The following PDE1C variants were observed in gnomAD, a reference collection of about 807,000 sequenced individuals.
The protein encoded by PDE1C is dual specificity calcium/calmodulin-dependent 3',5'-cyclic nucleotide phosphodiesterase 1C.
PDE1C carries 62 observed loss-of-function variants against 93.1 expected under a neutral mutation model. That is an observed-to-expected ratio of 0.67 (90% CI 0.54 to 0.82). The LOEUF is 0.82. PDE1C is among the 40% of genes least tolerant of loss of function. PDE1C has a pLI of 0.00. For synonymous variants in PDE1C, 325 were observed against 310.1 expected, an observed-to-expected ratio of 1.05 and a Z score of -0.50; for missense variants, 742 against 884.6, an observed-to-expected ratio of 0.84 and a Z score of 2.04.
chr7:32,412,192 T>C (rs10273116), intron 1 of PDE1C, among the ~76,000 whole-genome samples: 22,639 of 152,152 alleles, frequency 0.15, 3,304 homozygotes, highest in African/African-American at 0.37. Flanking sequence ...CGGTGGCTCA[T>C]GCCTGTAATC....
intron 1 of PDE1C, among the ~76,000 whole-genome samples, chr7:32,058,644 T>C (rs541922338): frequency 2.4e-4 from 37 of 152,234 alleles, no homozygotes; most frequent in Non-Finnish European, 4.4e-4. Flanking sequence ...CTCATTCCTA[T>C]CAGTGATTTC....
At chr7:32,082,412 G>C (rs1362797888) in intron 3 of PDE1C, among the ~76,000 whole-genome samples, 1 of 152,346 alleles carries the variant, frequency 6.6e-6, no homozygotes, top group South Asian at 2.1e-4. Flanking sequence ...GCCTGCCTCT[G>C]TAGGCTCCAC....
chr7:32,227,375 CTTTCCTCTCT>C (rs945177708), intron 1 of PDE1C, among the ~76,000 whole-genome samples: 8 of 152,152 alleles, frequency 5.3e-5, no homozygotes, highest in Non-Finnish European at 1.0e-4. Context: ...TACCCACTTC[CTTTCCTCTCT>C]TTCCTTTCTG....
chr7:31,635,208 T>C, the PDE1C span, among the ~76,000 whole-genome samples: 148,651 of 152,250 alleles, frequency 0.98, 72,582 homozygotes, highest in East Asian at 0.99. Context: ...TTTCTATGAC[T>C]CTAAGGGAAT....
At chr7:31,832,597 C>G (rs1790556118) in intron 11 of PDE1C, among the ~76,000 whole-genome samples, 1 of 152,118 alleles carries the variant, frequency 6.6e-6, no homozygotes, top group East Asian at 1.9e-4. Context: ...AGAACTGAGG[C>G]AGCATTTCTC....
intron 1 of PDE1C, among the ~76,000 whole-genome samples, chr7:32,055,774 G>A (rs530043185): frequency 6.6e-5 from 10 of 152,290 alleles, no homozygotes; most frequent in Admixed American, 3.9e-4. Flanking sequence ...AGGCTGGAGC[G>A]CAGTGGCGCA....
chr7:31,756,957 G>A (rs1010575507), intron 17 of PDE1C, among the ~76,000 whole-genome samples: 1 of 152,190 alleles, frequency 6.6e-6, no homozygotes, highest in Non-Finnish European at 1.5e-5. Flanking sequence ...GGACCCATCT[G>A]TCCAATGCCT....
At chr7:31,761,316 C>A (rs546178820) in intron 17 of PDE1C, among the ~76,000 whole-genome samples, 1 of 152,232 alleles carries the variant, frequency 6.6e-6, no homozygotes, top group East Asian at 1.9e-4. Context: ...TAGGTATGTA[C>A]CTGAGTCATA....
At chr7:31,992,965 A>G (rs1784313711) in intron 2 of PDE1C, among the ~76,000 whole-genome samples, 1 of 152,192 alleles carries the variant, frequency 6.6e-6, no homozygotes, top group Admixed American at 6.5e-5. Flanking sequence ...TCTAATCCTC[A>G]TATCAAACGA....
At chr7:31,886,008 G>C (rs1562970775) in intron 2 of PDE1C, among the ~76,000 whole-genome samples, 1 of 152,114 alleles carries the variant, frequency 6.6e-6, no homozygotes, top group South Asian at 2.1e-4. Context: ...GAGGATGGGG[G>C]GGCAGCTCCT....
chr7:32,275,053 G>A (rs556194931), intron 1 of PDE1C, among the ~76,000 whole-genome samples: 13 of 152,128 alleles, frequency 8.5e-5, no homozygotes, highest in African/African-American at 3.1e-4. Context: ...TATAAATAAA[G>A]AATTTAGGTC....
At chr7:32,174,507 C>T (rs182706777) in intron 2 of PDE1C, among the ~76,000 whole-genome samples, 348 of 152,132 alleles carry the variant, frequency 2.3e-3, no homozygotes, top group African/African-American at 7.5e-3. Flanking sequence ...AGACGCTCTT[C>T]AGCCGGTGGA....
intron 1 of PDE1C, among the ~76,000 whole-genome samples, chr7:32,212,047 A>G (rs1806086100): frequency 6.8e-6 from 1 of 147,088 alleles, no homozygotes; most frequent in Admixed American, 6.8e-5. Flanking sequence ...AAAAAAAAAG[A>G]AAGAAAGAAA....
intron 1 of PDE1C, among the ~76,000 whole-genome samples, chr7:32,374,219 GGAAA>G (rs1784385459): frequency 3.0e-4 from 34 of 115,182 alleles, no homozygotes; most frequent in African/African-American, 1.1e-3. Context: ...GGAAAGAAAG[GGAAA>G]GAAAGAAAAA....
intron 7 of PDE1C, among the ~76,000 whole-genome samples, chr7:31,854,532 G>T (rs1318844319): frequency 6.6e-6 from 1 of 152,184 alleles, no homozygotes; most frequent in Non-Finnish European, 1.5e-5. Context: ...TGGGGACCTT[G>T]AGTTTTGCTG....
chr7:32,168,375 T>A (rs762661723), intron 3 of PDE1C, among the ~76,000 whole-genome samples: 3 of 152,196 alleles, frequency 2.0e-5, no homozygotes, highest in African/African-American at 7.2e-5. Flanking sequence ...CAGATGATGG[T>A]AATGGAGTTC....
At chr7:32,312,860 T>G (rs1424569795) in intron 1 of PDE1C, among the ~76,000 whole-genome samples, 1 of 152,162 alleles carries the variant, frequency 6.6e-6, no homozygotes, top group East Asian at 1.9e-4. Flanking sequence ...ACTTCATGTC[T>G]AAAACACCAA....
intron 2 of PDE1C, among the ~76,000 whole-genome samples, chr7:31,910,094 T>C (rs951289798): frequency 2.0e-5 from 3 of 152,170 alleles, no homozygotes; most frequent in Non-Finnish European, 4.4e-5. Context: ...CTATGCAATA[T>C]ATATTTTTCC....
chr7:32,011,113 A>G (rs1269876803), intron 2 of PDE1C, among the ~76,000 whole-genome samples: 1 of 152,232 alleles, frequency 6.6e-6, no homozygotes, highest in Non-Finnish European at 1.5e-5. Context: ...ACCACAAGAA[A>G]ATATTTTCAA....
Sources: allele counts gnomAD v4.1 joint callset (sites outside exome capture counted in the v4.1 genomes callset), GRCh38; gene constraint gnomAD v4.1.1; transcripts MANE v1.5; gene names NCBI Gene and HGNC (gene_info 2026-07-23, HGNC 2026-07-21).